The following RTN4IP1 variants were observed in gnomAD, a reference collection of about 807,000 sequenced individuals.
The protein encoded by RTN4IP1 is NAD(P)H oxidoreductase RTN4IP1, mitochondrial.
A neutral mutation model predicts 46.6 loss-of-function variants in RTN4IP1; 32 were observed. The ratio of observed to expected loss-of-function variants is 0.69; its 90% CI spans 0.52 to 0.92. The LOEUF (loss-of-function observed/expected upper bound fraction) is 0.92. RTN4IP1 is among the 40% of genes least tolerant of loss of function. RTN4IP1 has a pLI of 0.00. For synonymous variants in RTN4IP1, 167 were observed against 161.8 expected, an observed-to-expected ratio of 1.03 and a Z score of -0.24; for missense variants, 424 against 485.8, an observed-to-expected ratio of 0.87 and a Z score of 1.20.
intron 8 of RTN4IP1, among the ~76,000 whole-genome samples, chr6:106,578,333 A>T (rs1562130186): frequency 6.6e-6 from 1 of 152,226 alleles, no homozygotes; most frequent in African/African-American, 2.4e-5. Context: ...TTCAAATGTG[A>T]CATCACAGCA....
intron 8 of RTN4IP1, among the ~76,000 whole-genome samples, chr6:106,573,460 C>G (rs957341304): frequency 5.3e-5 from 8 of 152,194 alleles, no homozygotes; most frequent in Non-Finnish European, 1.2e-4. Context: ...TTCCCTTCTC[C>G]AAAGAGCTGA....
chr6:106,610,639 T>A (rs1006383701), intron 4 of RTN4IP1, among the ~76,000 whole-genome samples: 1 of 152,038 alleles, frequency 6.6e-6, no homozygotes, highest in African/African-American at 2.4e-5. Flanking sequence ...TATTTGTTGG[T>A]TTATATAAAG....
Position 106,592,249 on chromosome 6 carries a change from T to C in RTN4IP1, c.721A>G (p.Ser241Gly). 1 of 1,614,118 alleles carries C rather than the reference T, an allele frequency of 6.2e-7. No homozygotes were observed. ...GCACCAAGCTTCCTTACAAGTTCACTGGCATCTTGGGAGCAAACTGCTGTC... is the reference window on the plus strand; with the variant it reads ...GCACCAAGCTTCCTTACAAGTTCACCGGCATCTTGGGAGCAAACTGCTGTC... ...HVTAVCSQDA[S>G]ELVRKLGADD... Residue 241 changes from serine (S) to glycine (G), a missense_variant, in exon 6 of 9, where the codon AGT becomes GGT. Transcript: ENST00000369063.
chr6:106,608,056 A>G (rs972781798), intron 4 of RTN4IP1, among the ~76,000 whole-genome samples: 1 of 152,236 alleles, frequency 6.6e-6, no homozygotes, highest in African/African-American at 2.4e-5. Flanking sequence ...ACTATTTGCA[A>G]TAGCCAAGAT....
At position 106,622,923 on chromosome 6, in the gene RTN4IP1, G is replaced by A. The variant is rs183409293; in HGVS notation, c.321C>T (p.His107=). The A allele has an allele frequency of 3.6e-5, 58 of 1,614,042 alleles. No homozygotes were observed. The highest frequency in any genetic ancestry group is 4.5e-5 in the Non-Finnish European group (53 of 1,179,950). The change falls in exon 2 of 9, where the codon CAC becomes CAT. Residue 107 remains histidine (H), a synonymous_variant. Coordinates refer to ENST00000369063, the MANE Select transcript of RTN4IP1 (RefSeq NM_032730.5). ...TALNMKRDPL[H]VKIKGEEFPL... ...GAAATTCTTCTCCTTTGATTTTCACGTGTAAAGGATCACGCTTCATATTTA... is the reference window on the plus strand; with the variant it reads ...GAAATTCTTCTCCTTTGATTTTCACATGTAAAGGATCACGCTTCATATTTA...
At chr6:106,628,157 T>C (rs1204309785) in intron 1 of RTN4IP1, among the ~76,000 whole-genome samples, 1 of 151,610 alleles carries the variant, frequency 6.6e-6, no homozygotes, top group Non-Finnish European at 1.5e-5. Context: ...TACCACAAAG[T>C]TCCCTGGACA....
chr6:106,620,788 T>C (rs966819141), intron 3 of RTN4IP1, among the ~76,000 whole-genome samples: 6 of 152,166 alleles, frequency 3.9e-5, no homozygotes, highest in Admixed American at 1.3e-4. Flanking sequence ...AACTACTTCA[T>C]TGTTTATAAA....
upstream of RTN4IP1, chr6:106,629,617 A>G (rs1395859103): frequency 2.6e-6 from 4 of 1,556,680 alleles, no homozygotes; most frequent in East Asian, 9.6e-5. Context: ...TAACATCACT[A>G]GCGACCGGTG....
intron 8 of RTN4IP1, among the ~76,000 whole-genome samples, chr6:106,578,071 A>G (rs1441836715): frequency 6.6e-6 from 1 of 152,242 alleles, no homozygotes; most frequent in Non-Finnish European, 1.5e-5. Flanking sequence ...ACAGTTACAC[A>G]GTCCTTCTTA....
chr6:106,624,606 G>A, intron 1 of RTN4IP1, among the ~76,000 whole-genome samples: 1 of 151,096 alleles, frequency 6.6e-6, no homozygotes, highest in East Asian at 2.0e-4. Flanking sequence ...AAAGTGCTGG[G>A]ATTACAGGCG....
intron 5 of RTN4IP1, among the ~76,000 whole-genome samples, chr6:106,596,912 T>A (rs1042050164): frequency 6.6e-6 from 1 of 152,212 alleles, no homozygotes; most frequent in Admixed American, 6.5e-5. Context: ...GTTACTCCAT[T>A]TTTTTCTGCC....
chr6:106,606,851 T>C (rs146099316), intron 4 of RTN4IP1, among the ~76,000 whole-genome samples: 8 of 152,300 alleles, frequency 5.3e-5, no homozygotes, highest in African/African-American at 1.9e-4. Context: ...ACAGACTTAA[T>C]TCAAGCCTTA....
At position 106,583,366 on chromosome 6, in the gene RTN4IP1, A is replaced by G. The variant is rs773531879; in HGVS notation, c.1045T>C (p.Cys349Arg). The G allele has an allele frequency of 1.2e-5, 19 of 1,613,714 alleles. No homozygotes were observed. In the African/African-American group the frequency reaches 1.6e-4, roughly 14 times the overall value. ...RWAFFMASGP[C>R]LDDIAELVDA... ...ACCAGTTCTGCAATGTCATCTAAAC[A>G]TGGGCCACTGGCCATGAAAAATGCC... is the stretch of plus-strand genomic sequence containing the variant. The change falls in exon 8 of 9, where the codon TGT becomes CGT. Residue 349 changes from cysteine to arginine, a missense_variant. By Grantham distance (180) the Cys-to-Arg change is radical (BLOSUM62 -3). Transcript: ENST00000369063.
chr6:106,587,844 A>G lies in RTN4IP1; in HGVS notation c.825T>C (p.Asp275=). The G allele has an allele frequency of 6.2e-7, 1 of 1,612,976 alleles. No homozygotes were observed. The highest frequency in any genetic ancestry group is 8.5e-7 in the Non-Finnish European group (1 of 1,179,490). ...ATGTTTCAGTGGATCCGCCAACATTATCAAGGATAAAATCAAATCTGGAGA... is the reference window on the plus strand; with the variant it reads ...ATGTTTCAGTGGATCCGCCAACATTGTCAAGGATAAAATCAAATCTGGAGA... ...KSLKPFDFIL[D]NVGGSTETWA... The change falls in exon 7 of 9, where the codon GAT becomes GAC. Residue 275 remains aspartate (D), a synonymous_variant. Transcript: ENST00000369063.
chr6:106,586,313 A>G (rs1384413520), intron 7 of RTN4IP1, among the ~76,000 whole-genome samples: 1 of 152,106 alleles, frequency 6.6e-6, no homozygotes, highest in Non-Finnish European at 1.5e-5. Context: ...CCTTTTTACC[A>G]CTGAGGAACT....
chr6:106,624,935 CA>C (rs1329840633), intron 1 of RTN4IP1, among the ~76,000 whole-genome samples: 88 of 48,002 alleles, frequency 1.8e-3, no homozygotes, highest in South Asian at 3.7e-3. Flanking sequence ...AGCTCTGTCT[CA>C]AAAAAAAAAA....
intron 1 of RTN4IP1, among the ~76,000 whole-genome samples, chr6:106,623,678 A>C (rs1342385191): frequency 6.6e-6 from 1 of 152,250 alleles, no homozygotes; most frequent in Admixed American, 6.5e-5. Context: ...ATATTTTTGA[A>C]ATTCAAATTT....
chr6:106,629,818 C>G, upstream of RTN4IP1: 1 of 1,319,812 alleles, frequency 7.6e-7, no homozygotes, highest in Non-Finnish European at 1.1e-6. Flanking sequence ...GCTGCTTCCT[C>G]TAGAACTGAG....
intron 8 of RTN4IP1, among the ~76,000 whole-genome samples, chr6:106,577,613 T>C (rs1775261261): frequency 6.6e-6 from 1 of 152,156 alleles, no homozygotes; most frequent in African/African-American, 2.4e-5. Flanking sequence ...GATGTTCACA[T>C]CCTGATTCCC....
Sources: gnomAD v4.1 joint callset for allele counts (sites outside exome capture counted in the v4.1 genomes callset) on GRCh38, gnomAD v4.1.1 for gene constraint, MANE v1.5 for transcripts, NCBI Gene and HGNC (gene_info 2026-07-23, HGNC 2026-07-21) for gene names.